The following CFAP299 variants were observed in gnomAD, a reference collection of about 807,000 sequenced individuals.
CFAP299 encodes cilia and flagella associated protein 299.
In CFAP299, 21 loss-of-function variants were observed where a neutral mutation model predicts 27.0. The ratio of observed to expected loss-of-function variants is 0.78; its 90% CI spans 0.55 to 1.12. The LOEUF (loss-of-function observed/expected upper bound fraction) is 1.12. Ranked by LOEUF, CFAP299 falls within the 50% of genes most tolerant of loss-of-function variation. The pLI is 0.00. For missense variants in CFAP299, 310 were observed against 276.6 expected (o/e 1.12, Z -0.86); for synonymous variants, 104 against 98.1 (o/e 1.06, Z -0.36).
chr4:80,690,174 A>T (rs1442045393), intron 3 of CFAP299, among the ~76,000 whole-genome samples: 2 of 150,536 alleles, frequency 1.3e-5, no homozygotes, highest in African/African-American at 5.0e-5. Context: ...TATTGAACTC[A>T]GCTCTGCACC....
At chr4:80,722,150 G>T (rs995795279) in intron 3 of CFAP299, among the ~76,000 whole-genome samples, 2 of 152,202 alleles carry the variant, frequency 1.3e-5, no homozygotes, top group Admixed American at 6.5e-5. Context: ...AGGCTCAGTG[G>T]CTCATGCCTG....
At chr4:80,783,386 C>T (rs1560749731) in intron 3 of CFAP299, among the ~76,000 whole-genome samples, 3 of 152,190 alleles carry the variant, frequency 2.0e-5, no homozygotes, top group South Asian at 2.1e-4. Flanking sequence ...GGCTACCATA[C>T]GAGGCACCTC....
chr4:80,583,014 A>G, intron 2 of CFAP299, 79 bp from the exon 3 acceptor site: 1 of 784,122 alleles, frequency 1.3e-6, no homozygotes, highest in Non-Finnish European at 2.0e-6. Context: ...TCACTTAAAG[A>G]AGCATTGTTG....
chr4:80,425,196 TTAAC>T (rs1363624195), intron 2 of CFAP299, among the ~76,000 whole-genome samples: 1 of 150,124 alleles, frequency 6.7e-6, no homozygotes, highest in Non-Finnish European at 1.5e-5. Context: ...AGGAAATAGA[TTAAC>T]TTAGTATTTC....
chr4:80,792,746 T>G (rs1473306744), intron 3 of CFAP299, among the ~76,000 whole-genome samples: 1 of 152,154 alleles, frequency 6.6e-6, no homozygotes, highest in Non-Finnish European at 1.5e-5. Context: ...GCCCAGCTTG[T>G]GTAGGCAAAT....
At chr4:80,628,957 C>T (rs184576291) in intron 3 of CFAP299, among the ~76,000 whole-genome samples, 4 of 152,278 alleles carry the variant, frequency 2.6e-5, no homozygotes, top group Admixed American at 6.5e-5. Context: ...ATCCAGCAAT[C>T]CCACTACTGA....
intron 2 of CFAP299, among the ~76,000 whole-genome samples, chr4:80,577,802 A>T (rs1039005171): frequency 6.6e-6 from 1 of 152,234 alleles, no homozygotes; most frequent in African/African-American, 2.4e-5. Context: ...ATGTAGTGAA[A>T]GAATTTATTT....
intron 3 of CFAP299, among the ~76,000 whole-genome samples, chr4:80,784,662 C>T (rs1727138553): frequency 6.6e-6 from 1 of 152,022 alleles, no homozygotes; most frequent in Non-Finnish European, 1.5e-5. Flanking sequence ...GGATTACAGG[C>T]ATGTGCCACC....
chr4:80,957,330 C>T (rs1738122484), intron 5 of CFAP299, among the ~76,000 whole-genome samples: 1 of 152,176 alleles, frequency 6.6e-6, no homozygotes, highest in Non-Finnish European at 1.5e-5. Context: ...TGAATTTTCT[C>T]AGCCAGTTAC....
rs1236429183 is a variant in CFAP299 at position 80,361,791 on chromosome 4, TA to T, written c.112-961del. ...AACCACTATGGTTTGAATAGACTGT[TA>T]ACTAGACATCTTAAGTTTTCTCCTT... On this transcript the variant is annotated intron_variant, in intron 1 of 5. Coordinates refer to ENST00000358105, the MANE Select transcript of CFAP299 (RefSeq NM_152770.3). 3.9e-5 allele frequency among the ~76,000 whole-genome samples: 6 copies of T among 152,304 alleles called. No homozygotes were observed. In the South Asian group the frequency reaches 1.2e-3, roughly 32 times the overall value.
chr4:80,637,214 G>T (rs1000540751), intron 3 of CFAP299, among the ~76,000 whole-genome samples: 3 of 152,062 alleles, frequency 2.0e-5, no homozygotes, highest in Non-Finnish European at 4.4e-5. Context: ...CTATAAAAGA[G>T]GTATGGTTAA....
chr4:80,745,888 G>C (rs904649934), intron 3 of CFAP299, among the ~76,000 whole-genome samples: 3 of 152,062 alleles, frequency 2.0e-5, no homozygotes, highest in African/African-American at 7.2e-5. Flanking sequence ...AGGAAAGCTG[G>C]TCAGAACATC....
chr4:80,325,023 T>C, the CFAP299 span, among the ~76,000 whole-genome samples: 2 of 152,232 alleles, frequency 1.3e-5, no homozygotes, highest in East Asian at 3.9e-4. Context: ...CTCAGTAGGC[T>C]GAGGCAGGAG....
chr4:80,700,741 A>G (rs1578036313), intron 3 of CFAP299, among the ~76,000 whole-genome samples: 1 of 152,104 alleles, frequency 6.6e-6, no homozygotes, highest in Non-Finnish European at 1.5e-5. Flanking sequence ...AATAGGTATG[A>G]CAATAGCCAG....
intron 2 of CFAP299, among the ~76,000 whole-genome samples, chr4:80,527,131 A>G (rs948852750): frequency 6.6e-6 from 1 of 152,172 alleles, no homozygotes; most frequent in Non-Finnish European, 1.5e-5. Flanking sequence ...AGAAATGTTA[A>G]CAATTGCTCT....
At chr4:80,929,295 C>G (rs370496825) in intron 4 of CFAP299, among the ~76,000 whole-genome samples, 3 of 151,870 alleles carry the variant, frequency 2.0e-5, no homozygotes, top group African/African-American at 7.3e-5. Flanking sequence ...CACTACCCAT[C>G]CAGTCTCTAT....
At chr4:80,618,446 A>G (rs1200118754) in intron 3 of CFAP299, among the ~76,000 whole-genome samples, 1 of 152,126 alleles carries the variant, frequency 6.6e-6, no homozygotes, top group Non-Finnish European at 1.5e-5. Flanking sequence ...TTTCAAGTTT[A>G]TCAGGTATTC....
chr4:80,703,598 G>T (rs958178640), intron 3 of CFAP299, among the ~76,000 whole-genome samples: 1 of 151,420 alleles, frequency 6.6e-6, no homozygotes, highest in Non-Finnish European at 1.5e-5. Flanking sequence ...AAGATTGTGA[G>T]GTATTTTTTT....
At chr4:80,706,255 A>AT (rs1370200523) in intron 3 of CFAP299, among the ~76,000 whole-genome samples, 3 of 151,632 alleles carry the variant, frequency 2.0e-5, no homozygotes, top group Non-Finnish European at 4.4e-5. Context: ...AGGTGGGTTT[A>AT]TGCAAACATA....
Sources: allele counts gnomAD v4.1 joint callset (sites outside exome capture counted in the v4.1 genomes callset), GRCh38; gene constraint gnomAD v4.1.1; transcripts MANE v1.5; gene names NCBI Gene and HGNC (gene_info 2026-07-23, HGNC 2026-07-21).